Variants in BCOR observed in about 807,000 individuals in gnomAD.
BCOR encodes the protein BCL6 corepressor, also known as BCL-6 corepressor.
In BCOR, 10 loss-of-function variants were observed where a neutral mutation model predicts 86.7. That is an observed-to-expected ratio of 0.12 (90% CI 0.07 to 0.20). BCOR has a LOEUF of 0.20. BCOR is among the 10% of genes least tolerant of loss of function. The pLI is 1.00. For synonymous variants in BCOR, 611 were observed against 609.0 expected (o/e 1.00, Z -0.05); for missense variants, 1,259 against 1,452.1 (o/e 0.87, Z 2.16).
chrX:40,136,259 T>C (rs1351808067), intron 1 of BCOR, among the ~76,000 whole-genome samples: 1 of 112,354 alleles, frequency 8.9e-6, no homozygotes, highest in Non-Finnish European at 1.9e-5. Flanking sequence ...TCAAGCCCTG[T>C]TGAGCACATT....
chrX:40,132,872 G>A (rs1937616472), intron 1 of BCOR, among the ~76,000 whole-genome samples: 1 of 112,265 alleles, frequency 8.9e-6, no homozygotes, highest in African/African-American at 3.2e-5. Context: ...CAGCAGTGGC[G>A]TGTTAAAGAT....
At chrX:40,093,543 G>T (rs548056488) in intron 1 of BCOR, among the ~76,000 whole-genome samples, 69 of 112,036 alleles carry the variant, frequency 6.2e-4, no homozygotes, top group African/African-American at 2.1e-3. Context: ...TTTAATATTA[G>T]CCATATATAT....
At chrX:40,109,016 C>T (rs1937246833) in intron 1 of BCOR, among the ~76,000 whole-genome samples, 1 of 113,295 alleles carries the variant, frequency 8.8e-6, no homozygotes, top group Admixed American at 9.2e-5. Context: ...CCCACACTCC[C>T]GGGAACGCGG....
intron 4 of BCOR, 177 bp downstream of exon 4, chrX:40,072,172 G>A (rs1431197091): frequency 1.9e-5 from 9 of 474,571 alleles, no homozygotes; most frequent in Non-Finnish European, 2.9e-5. Context: ...ATCCAGACAC[G>A]CCTCAGTGCT....
chrX:40,072,039 G>C (rs1455572284), intron 4 of BCOR: 1 of 402,628 alleles, frequency 2.5e-6, no homozygotes, highest in Non-Finnish European at 4.3e-6. Context: ...CTTACAGGCA[G>C]AGAAATCAAA....
At chrX:40,106,787 G>A (rs968717077) in intron 1 of BCOR, among the ~76,000 whole-genome samples, 4 of 111,885 alleles carry the variant, frequency 3.6e-5, no homozygotes, top group Admixed American at 9.4e-5. Flanking sequence ...GGCGGGGAGG[G>A]GTCCGGGGAT....
At chrX:40,161,758 C>T (rs189194085) in intron 1 of BCOR, among the ~76,000 whole-genome samples, 1 of 111,177 alleles carries the variant, frequency 9.0e-6, no homozygotes, top group East Asian at 2.8e-4. Flanking sequence ...CGTGATCCGC[C>T]CGCCTCGGCC....
chrX:40,111,035 A>G (rs1200635435), intron 1 of BCOR, among the ~76,000 whole-genome samples: 1 of 110,481 alleles, frequency 9.1e-6, no homozygotes, highest in East Asian at 2.8e-4. Context: ...CTTTCTAACA[A>G]TATTGCAGCC....
At chrX:40,138,791 G>C (rs928871885) in intron 1 of BCOR, among the ~76,000 whole-genome samples, 2 of 110,983 alleles carry the variant, frequency 1.8e-5, no homozygotes, top group African/African-American at 6.6e-5. Context: ...CTTACCTCAG[G>C]TGATCTGCTC....
chrX:40,111,836 C>G (rs1937317269), intron 1 of BCOR, among the ~76,000 whole-genome samples: 1 of 111,711 alleles, frequency 9.0e-6, no homozygotes, highest in Non-Finnish European at 1.9e-5. Flanking sequence ...ACAATCTGTT[C>G]TGTACCTCAC....
intron 1 of BCOR, among the ~76,000 whole-genome samples, chrX:40,139,404 TATATATATATAATATATATACA>T (rs1937779002): frequency 5.6e-5 from 1 of 17,921 alleles, no homozygotes; most frequent in African/African-American, 7.1e-4. Flanking sequence ...CATATATATA[TATATATATATAATATATATACA>T]TATATATATA....
chrX:40,052,332 C>T lies in BCOR; in HGVS notation c.5045G>A (p.Cys1682Tyr), dbSNP rs1234518668. ...KLKMSSRIFR[C>Y]NFPNVEIVTI... ...GACAATTTCCACGTTTGGAAAATTG[C>T]AGCGAAATATGCGGGAGGACATTTT... Residue 1682 changes from cysteine (C) to tyrosine (Y), a missense_variant, in exon 15 of 15, where the codon TGC becomes TAC. By Grantham distance (194) the Cys-to-Tyr change is radical. Around this residue, in one of 7 missense-constraint regions of BCOR, gnomAD observed 137 missense variants for 149.8 expected, o/e 0.91. Coordinates refer to ENST00000378444, the MANE Select transcript of BCOR (RefSeq NM_001123385.2). 8.3e-7 allele frequency: 1 copy of T among 1,211,604 alleles called. No individual in the cohort carries two copies. The highest frequency in any genetic ancestry group is 1.8e-5 in the South Asian group (1 of 56,994).
At chrX:40,141,861 G>A (rs1410264129) in intron 1 of BCOR, among the ~76,000 whole-genome samples, 1 of 111,130 alleles carries the variant, frequency 9.0e-6, no homozygotes, top group East Asian at 2.8e-4. Flanking sequence ...AGCCAGGTAG[G>A]GTTTGGCTCA....
At chrX:40,106,330 G>A (rs1210429239) in intron 1 of BCOR, among the ~76,000 whole-genome samples, 1 of 112,437 alleles carries the variant, frequency 8.9e-6, no homozygotes, top group Non-Finnish European at 1.9e-5. Context: ...GCGCTGCAGC[G>A]AGGAGGATGA....
chrX:40,126,214 CA>C (rs753237058), intron 1 of BCOR, among the ~76,000 whole-genome samples: 375 of 35,104 alleles, frequency 0.011, 1 homozygote, highest in Middle Eastern at 0.038. Context: ...GACTCCGTCT[CA>C]AAAAAAAAAA....
intron 12 of BCOR, among the ~76,000 whole-genome samples, 168 bp from the exon 13 acceptor site, chrX:40,054,501 T>C (rs1370410339): frequency 2.0e-5 from 2 of 99,373 alleles, no homozygotes; most frequent in African/African-American, 4.0e-5. Context: ...ATGTATCTCT[T>C]TTTTTTTTTT....
At chrX:40,080,969 A>G (rs1422198088) in intron 1 of BCOR, among the ~76,000 whole-genome samples, 3 of 43,013 alleles carry the variant, frequency 7.0e-5, no homozygotes, top group African/African-American at 2.5e-4. Flanking sequence ...GCACGCACGC[A>G]CACGCGCACA....
intron 7 of BCOR, 85 bp downstream of exon 7, chrX:40,064,251 C>T (rs758586005): frequency 8.0e-5 from 94 of 1,171,966 alleles, no homozygotes; most frequent in Admixed American, 1.5e-4. Context: ...GGCAGCGCGC[C>T]GCACATCCAC....
rs150655419 is a variant in BCOR at position 40,074,818 on chromosome X, C to G, written c.528G>C (p.Gln176His). ...TAGCACCATTGATGTTGAGAGGGCT[C>G]TGTTTGTCGCTGGCAGGCCTGTCCA... Reference protein sequence around the residue: ...LGLDRPASDKQSPLNINGASY... With the variant: ...LGLDRPASDKHSPLNINGASY... Residue 176 changes from glutamine to histidine, a missense_variant, in exon 4 of 15, where the codon CAG becomes CAC. Gln to His is a conservative substitution (Grantham distance 24). This residue lies in a region of BCOR where 174 missense variants were observed against 189.3 expected (regional missense o/e 0.92). Transcript: ENST00000378444. The G allele has an allele frequency of 1.7e-5, 20 of 1,211,828 alleles. No individual in the cohort carries two copies. Among genetic ancestry groups the G allele is most frequent in the Non-Finnish European group, 2.2e-5 (20 of 895,527 alleles).
Sources: gnomAD v4.1 joint callset for allele counts (sites outside exome capture counted in the v4.1 genomes callset) on GRCh38, gnomAD v4.1.1 for gene constraint, gnomAD v4.1.1 regional missense constraint, MANE v1.5 for transcripts, NCBI Gene and HGNC (gene_info 2026-07-23, HGNC 2026-07-21) for gene names.